RAD51B: variants seen among roughly 807,000 people sequenced by gnomAD.
The protein encoded by RAD51B is RAD51 paralog B, also known as DNA repair protein RAD51 homolog 2.
A neutral mutation model predicts 42.2 loss-of-function variants in RAD51B; 38 were observed. That is an observed-to-expected ratio of 0.90 (90% CI 0.70 to 1.18). The LOEUF (loss-of-function observed/expected upper bound fraction) is 1.18. Ranked by LOEUF, RAD51B falls within the 50% of genes most tolerant of loss-of-function variation. The probability of loss-of-function intolerance (pLI) is 0.00; values close to 1 mark genes in which losing one functional copy is unlikely to be tolerated. For missense variants in RAD51B, 373 were observed against 400.7 expected (o/e 0.93, Z 0.59); for synonymous variants, 154 against 145.2 (o/e 1.06, Z -0.43).
intron 8 of RAD51B, among the ~76,000 whole-genome samples, chr14:68,407,269 G>A (rs1237353064): frequency 6.6e-6 from 1 of 151,988 alleles, no homozygotes; most frequent in Non-Finnish European, 1.5e-5. Context: ...CTACATAACT[G>A]GTTTTTGTAT....
intron 7 of RAD51B, among the ~76,000 whole-genome samples, chr14:67,950,698 G>A (rs73282452): frequency 0.027 from 4,040 of 152,224 alleles, 181 homozygotes; most frequent in African/African-American, 0.092. Context: ...CTTTTGATAC[G>A]TCTTCCTCAT....
intron 7 of RAD51B, among the ~76,000 whole-genome samples, chr14:68,176,944 C>T (rs1353806884): frequency 6.6e-6 from 1 of 152,116 alleles, no homozygotes; most frequent in Non-Finnish European, 1.5e-5. Context: ...CTGTTTTTTA[C>T]TAGAGATCTG....
At chr14:68,386,127 T>C (rs1311833711) in intron 8 of RAD51B, among the ~76,000 whole-genome samples, 5 of 152,156 alleles carry the variant, frequency 3.3e-5, no homozygotes, top group Admixed American at 3.3e-4. Context: ...TGGAGGTTAT[T>C]GTTGCCCCCT....
chr14:68,134,551 C>G (rs935435505), intron 7 of RAD51B, among the ~76,000 whole-genome samples: 1 of 152,142 alleles, frequency 6.6e-6, no homozygotes, highest in African/African-American at 2.4e-5. Context: ...TTCCATTTTA[C>G]ATTTCCACCA....
chr14:68,290,101 A>C (rs562917250), intron 7 of RAD51B, among the ~76,000 whole-genome samples: 2 of 152,224 alleles, frequency 1.3e-5, no homozygotes, highest in Middle Eastern at 6.3e-3. Context: ...CATTCAGGAT[A>C]CAGTGACAGA....
intron 7 of RAD51B, among the ~76,000 whole-genome samples, chr14:68,158,885 G>A (rs1360545427): frequency 6.6e-6 from 1 of 152,160 alleles, no homozygotes; most frequent in African/African-American, 2.4e-5. Flanking sequence ...AAAGCACTTT[G>A]AACTGCCTAG....
chr14:67,877,333 T>A (rs1254234446), intron 5 of RAD51B, among the ~76,000 whole-genome samples: 1 of 152,190 alleles, frequency 6.6e-6, no homozygotes, highest in East Asian at 1.9e-4. Context: ...AACCATGTGA[T>A]TTGCCCAAGA....
At chr14:68,062,748 G>A (rs1329668690) in intron 7 of RAD51B, among the ~76,000 whole-genome samples, 1 of 150,152 alleles carries the variant, frequency 6.7e-6, no homozygotes, top group Non-Finnish European at 1.5e-5. Flanking sequence ...GGCAGAGGTT[G>A]CAGTTAGCTG....
rs180950912 is a variant in RAD51B at position 68,164,908 on chromosome 14, G to T, written c.757-126976G>T. Among the ~76,000 whole-genome samples the T allele has an allele frequency of 1.2e-4, 18 of 152,222 alleles. No individual in the cohort carries two copies. The East Asian group carries it at 3.3e-3, about 28-fold the overall frequency. ...AAGGTCCTAGCTGTTCATTTGATAG[G>T]ATGGGCCTGTTTGCACTTATCTATT... On this transcript the variant is annotated intron_variant, in intron 7 of 10. Coordinates refer to ENST00000471583, the MANE Select transcript of RAD51B (RefSeq NM_133510.4).
At chr14:68,055,542 TTTAA>T (rs1452926878) in intron 7 of RAD51B, among the ~76,000 whole-genome samples, 1 of 152,196 alleles carries the variant, frequency 6.6e-6, no homozygotes, top group African/African-American at 2.4e-5. Flanking sequence ...TTCTTGTATC[TTTAA>T]TATATATCTT....
At chr14:68,576,602 A>T (rs1253671485) in intron 10 of RAD51B, among the ~76,000 whole-genome samples, 2 of 152,232 alleles carry the variant, frequency 1.3e-5, no homozygotes, top group Non-Finnish European at 2.9e-5. Flanking sequence ...GAATGCAGGG[A>T]AACAGTCTTA....
chr14:68,412,681 A>G (rs1000405088), intron 9 of RAD51B, among the ~76,000 whole-genome samples: 2 of 152,140 alleles, frequency 1.3e-5, no homozygotes, highest in African/African-American at 4.8e-5. Context: ...ATTCAGGGAA[A>G]CATTCTTGAG....
chr14:68,390,517 T>A (rs2083715451), intron 8 of RAD51B, among the ~76,000 whole-genome samples: 1 of 152,204 alleles, frequency 6.6e-6, no homozygotes, highest in Admixed American at 6.5e-5. Flanking sequence ...TTCCTATTAG[T>A]CAGTAAGGTT....
intron 7 of RAD51B, among the ~76,000 whole-genome samples, chr14:67,900,798 A>G (rs1247232434): frequency 6.6e-6 from 1 of 152,126 alleles, no homozygotes; most frequent in African/African-American, 2.4e-5. Context: ...TACAGCCACT[A>G]AAGTTAGTTT....
intron 9 of RAD51B, among the ~76,000 whole-genome samples, chr14:68,433,793 G>A (rs1312782503): frequency 6.6e-6 from 1 of 152,240 alleles, no homozygotes; most frequent in Non-Finnish European, 1.5e-5. Context: ...CTGGCGAGGA[G>A]CTGCGTTCCT....
chr14:68,605,307 A>G (rs1055556784), intron 10 of RAD51B, among the ~76,000 whole-genome samples: 1 of 152,216 alleles, frequency 6.6e-6, no homozygotes. Context: ...GCACTCAAAC[A>G]TAAATTTAAT....
At chr14:67,864,816 T>C (rs1464902204) in intron 4 of RAD51B, 187 bp from the exon 5 acceptor site, 2 of 955,522 alleles carry the variant, frequency 2.1e-6, no homozygotes, top group Non-Finnish European at 3.2e-6. Context: ...CCAATTCAGA[T>C]GCAGAGGGGA....
chr14:68,148,289 A>G (rs1292982050), intron 7 of RAD51B, among the ~76,000 whole-genome samples: 3 of 152,250 alleles, frequency 2.0e-5, no homozygotes, highest in Admixed American at 6.5e-5. Context: ...TACTATGAAC[A>G]TTTGACTACA....
intron 3 of RAD51B, 127 bp downstream of exon 3, chr14:67,825,704 A>T: frequency 1.5e-6 from 1 of 652,804 alleles, no homozygotes; most frequent in Admixed American, 3.8e-5. Flanking sequence ...TTTCTACTAT[A>T]GAAGTTAGTT....
Sources: allele counts gnomAD v4.1 joint callset (sites outside exome capture counted in the v4.1 genomes callset), GRCh38; gene constraint gnomAD v4.1.1; transcripts MANE v1.5; gene names NCBI Gene and HGNC (gene_info 2026-07-23, HGNC 2026-07-21).